The following GALNTL6 variants were observed in gnomAD, a reference collection of about 807,000 sequenced individuals.
GALNTL6 encodes polypeptide N-acetylgalactosaminyltransferase like 6, also known as polypeptide N-acetylgalactosaminyltransferase-like 6.
In GALNTL6, 46 loss-of-function variants were observed where a neutral mutation model predicts 73.7. That is an observed-to-expected ratio of 0.62 (90% CI 0.49 to 0.80). The LOEUF is 0.80. Among genes scored for constraint, GALNTL6 ranks in the 30% least tolerant of loss-of-function variants. The pLI, the probability that GALNTL6 is intolerant of heterozygous loss-of-function variation, is 0.00. For missense variants in GALNTL6, 604 were observed against 755.0 expected, an observed-to-expected ratio of 0.80 and a Z score of 2.34; for synonymous variants, 259 against 263.7, an observed-to-expected ratio of 0.98 and a Z score of 0.17.
intron 2 of GALNTL6, among the ~76,000 whole-genome samples, chr4:171,983,000 C>T (rs1208306495): frequency 1.3e-5 from 2 of 152,124 alleles, no homozygotes; most frequent in Non-Finnish European, 2.9e-5. Context: ...ATGGCCTATC[C>T]TCCCTCCCTT....
chr4:172,962,142 A>T (rs1051313597), intron 10 of GALNTL6, among the ~76,000 whole-genome samples: 1 of 152,182 alleles, frequency 6.6e-6, no homozygotes, highest in Non-Finnish European at 1.5e-5. Context: ...AGCCAGGATG[A>T]GCCAGGAAAA....
At chr4:171,830,800 AATG>A (rs1256276619) in intron 2 of GALNTL6, among the ~76,000 whole-genome samples, 2 of 152,186 alleles carry the variant, frequency 1.3e-5, no homozygotes, top group Non-Finnish European at 2.9e-5. Flanking sequence ...CAAATAAGCC[AATG>A]ATAACATAAA....
chr4:172,542,960 G>GGT (rs2110878656), intron 5 of GALNTL6, among the ~76,000 whole-genome samples: 1 of 152,122 alleles, frequency 6.6e-6, no homozygotes, highest in East Asian at 1.9e-4. Flanking sequence ...AGCCGGGCGT[G>GGT]GTGGCACGTG....
At chr4:172,141,916 C>T (rs890841560) in intron 2 of GALNTL6, among the ~76,000 whole-genome samples, 1 of 138,874 alleles carries the variant, frequency 7.2e-6, no homozygotes, top group Non-Finnish European at 1.6e-5. Flanking sequence ...CACACACCCC[C>T]CACACTCATT....
chr4:172,156,843 A>C (rs911170897), intron 2 of GALNTL6, among the ~76,000 whole-genome samples: 1 of 151,926 alleles, frequency 6.6e-6, no homozygotes, highest in Non-Finnish European at 1.5e-5. Flanking sequence ...GTAGCTTTAA[A>C]GATCATGATC....
At chr4:172,855,390 C>T (rs1222794404) in intron 7 of GALNTL6, among the ~76,000 whole-genome samples, 1 of 151,964 alleles carries the variant, frequency 6.6e-6, no homozygotes, top group African/African-American at 2.4e-5. Flanking sequence ...GGGTATTTTG[C>T]TCATGATGAA....
intron 3 of GALNTL6, among the ~76,000 whole-genome samples, chr4:172,280,218 T>C (rs1187113471): frequency 6.6e-6 from 1 of 152,200 alleles, no homozygotes; most frequent in Non-Finnish European, 1.5e-5. Context: ...CTTAAGATGG[T>C]AAATTTTACA....
intron 2 of GALNTL6, among the ~76,000 whole-genome samples, chr4:172,062,418 C>T (rs898087683): frequency 3.9e-5 from 6 of 152,138 alleles, no homozygotes; most frequent in African/African-American, 1.4e-4. Context: ...CTCAACTGTG[C>T]TAATATTTAT....
At chr4:172,895,068 A>G (rs1746248793) in intron 8 of GALNTL6, among the ~76,000 whole-genome samples, 1 of 151,280 alleles carries the variant, frequency 6.6e-6, no homozygotes, top group African/African-American at 2.4e-5. Flanking sequence ...CATCACCTTC[A>G]GTATATGGGT....
At chr4:171,815,586 A>T (rs1254125242) in intron 2 of GALNTL6, 2 of 152,260 alleles carry the variant, frequency 1.3e-5, no homozygotes, top group Non-Finnish European at 2.9e-5. Context: ...GTTTAACAAC[A>T]GAATGCAGTC....
chr4:171,956,012 G>GGC (rs1739036403), intron 2 of GALNTL6, among the ~76,000 whole-genome samples: 3 of 94,730 alleles, frequency 3.2e-5, no homozygotes, highest in Admixed American at 3.1e-4. Flanking sequence ...GTGTGTGTGT[G>GGC]TGGGACAGGG....
At chr4:172,864,926 T>G (rs1744585834) in intron 7 of GALNTL6, among the ~76,000 whole-genome samples, 1 of 152,182 alleles carries the variant, frequency 6.6e-6, no homozygotes, top group Admixed American at 6.5e-5. Flanking sequence ...AAAGGCAAAT[T>G]ATCAGGGGAA....
intron 5 of GALNTL6, among the ~76,000 whole-genome samples, chr4:172,776,643 GAA>G (rs1328786027): frequency 6.6e-6 from 1 of 152,026 alleles, no homozygotes; most frequent in Non-Finnish European, 1.5e-5. Flanking sequence ...TGAGTGGACA[GAA>G]AAAAAATAAA....
intron 2 of GALNTL6, among the ~76,000 whole-genome samples, chr4:172,147,225 T>C (rs1733950287): frequency 6.6e-6 from 1 of 152,248 alleles, no homozygotes; most frequent in Non-Finnish European, 1.5e-5. Context: ...CATTTTAATG[T>C]ATTTGCTTCA....
chr4:172,345,545 G>A (rs1050931410), intron 4 of GALNTL6, among the ~76,000 whole-genome samples: 4 of 152,150 alleles, frequency 2.6e-5, no homozygotes, highest in African/African-American at 7.2e-5. Context: ...ACAAACTGCA[G>A]CCTTCCTAAC....
chr4:172,769,609 C>A (rs1738640082), intron 5 of GALNTL6, among the ~76,000 whole-genome samples: 1 of 152,168 alleles, frequency 6.6e-6, no homozygotes, highest in African/African-American at 2.4e-5. Context: ...AATGTCAGAG[C>A]TAGAGATAGA....
At chr4:172,440,638 C>T (rs1247977528) in intron 5 of GALNTL6, among the ~76,000 whole-genome samples, 2 of 152,058 alleles carry the variant, frequency 1.3e-5, no homozygotes, top group Non-Finnish European at 2.9e-5. Context: ...GATGTGTCAA[C>T]GTAGATTCAT....
intron 2 of GALNTL6, among the ~76,000 whole-genome samples, chr4:172,111,569 T>C (rs918782643): frequency 2.6e-5 from 4 of 152,214 alleles, no homozygotes; most frequent in Non-Finnish European, 4.4e-5. Context: ...ATTTTTACTA[T>C]AATATAAAAT....
chr4:172,689,373 T>C (rs1206382971), intron 5 of GALNTL6, among the ~76,000 whole-genome samples: 1 of 152,174 alleles, frequency 6.6e-6, no homozygotes, highest in Non-Finnish European at 1.5e-5. Context: ...ATCAATAAAA[T>C]GGAAAGTATA....
Sources: gnomAD v4.1 joint callset for allele counts (sites outside exome capture counted in the v4.1 genomes callset) on GRCh38, gnomAD v4.1.1 for gene constraint, MANE v1.5 for transcripts, NCBI Gene and HGNC (gene_info 2026-07-23, HGNC 2026-07-21) for gene names.